Variants in WDR37 observed in about 807,000 individuals in gnomAD.
WDR37 encodes WD repeat-containing protein 37.
A neutral mutation model predicts 62.9 loss-of-function variants in WDR37; 19 were observed. The observed-to-expected ratio is 0.30, with a 90% confidence interval of 0.21 to 0.44. WDR37 has a LOEUF of 0.44. WDR37 is among the 20% of genes least tolerant of loss of function. The probability of loss-of-function intolerance (pLI) is 1.00; values close to 1 mark genes in which losing one functional copy is unlikely to be tolerated. For synonymous variants in WDR37, 250 were observed against 260.9 expected (o/e 0.96, Z 0.40); for missense variants, 474 against 657.6 (o/e 0.72, Z 3.05).
Position 1,103,741 on chromosome 10 carries a change from G to T in WDR37, c.866G>T (p.Trp289Leu). 1 of 1,614,252 alleles carries T rather than the reference G, an allele frequency of 6.2e-7. No individual in the cohort carries two copies. Among genetic ancestry groups the T allele is most frequent in the Non-Finnish European group, 8.5e-7 (1 of 1,180,046 alleles). The change falls in exon 10 of 14, where the codon TGG (tryptophan) becomes TTG (leucine). Residue 289 changes from tryptophan to leucine, a missense_variant. By Grantham distance (61) the Trp-to-Leu change is moderately conservative. Coordinates refer to ENST00000263150, the MANE Select transcript of WDR37 (RefSeq NM_014023.4). The surrounding 1 kb of genome is among the most constrained non-coding windows in gnomAD (Gnocchi z 6.3). ...CAGGGCGTGGTCATCGCCTCCGACTGGCTGGTTGGGGGGAAGCAGGCTGTG... is the reference window on the plus strand; with the variant it reads ...CAGGGCGTGGTCATCGCCTCCGACTTGCTGGTTGGGGGGAAGCAGGCTGTG... ...SHQGVVIASDWLVGGKQAVTA... is the reference protein window; with the variant it reads ...SHQGVVIASDLLVGGKQAVTA...
intron 2 of WDR37, among the ~76,000 whole-genome samples, chr10:1,075,969 G>A (rs1833867547): frequency 6.6e-6 from 1 of 152,042 alleles, no homozygotes; most frequent in East Asian, 1.9e-4. Flanking sequence ...TAGTAGAGAC[G>A]AAGTTTAACC....
chr10:1,075,683 C>T lies in WDR37; in HGVS notation c.139-2224C>T, dbSNP rs987118904. 3.3e-5 allele frequency among the ~76,000 whole-genome samples: 5 copies of T among 151,762 alleles called. No homozygotes were observed. The East Asian group carries it at 5.8e-4, about 18-fold the overall frequency. ...AGGGATGCTTGTGGGGAGGGATGTT[C>T]ACAGAGTGGGAATGGGGCGTGCAGA... is the stretch of plus-strand genomic sequence containing the variant. On this transcript the variant is annotated intron_variant, in intron 2 of 13. Coordinates refer to ENST00000263150, the MANE Select transcript of WDR37 (RefSeq NM_014023.4).
At chr10:1,092,194 A>G (rs1036089240) in intron 7 of WDR37, among the ~76,000 whole-genome samples, 1 of 145,842 alleles carries the variant, frequency 6.9e-6, no homozygotes, top group African/African-American at 2.5e-5. Context: ...AAAAAAAAAA[A>G]AAAAGAAAAT....
chr10:1,103,536 T>G lies in WDR37; in HGVS notation c.727-66T>G. On this transcript the variant is annotated intron_variant, in intron 9 of 13. Coordinates refer to ENST00000263150, the MANE Select transcript of WDR37 (RefSeq NM_014023.4). The surrounding 1 kb of genome is among the most constrained non-coding windows in gnomAD (Gnocchi z 6.3). ...TAATGAGAACCATCTATTTTGTAGC[T>G]ATGTCAGAAGAAACTCAAGATTTCC... The G allele has an allele frequency of 3.3e-6, 5 of 1,517,662 alleles. No homozygotes were observed. The highest frequency in any genetic ancestry group is 4.5e-6 in the Non-Finnish European group (5 of 1,105,270). 94.0% of individuals were successfully genotyped at this position (1,517,662 alleles called of 1,614,324 possible). A position where few individuals can be genotyped will look rare whatever the true frequency, so the allele number is the denominator to read the frequency against.
chr10:1,108,419 C>T (rs377734844), intron 11 of WDR37, among the ~76,000 whole-genome samples: 307 of 152,322 alleles, frequency 2.0e-3, no homozygotes, highest in African/African-American at 7.0e-3. Flanking sequence ...CCTTTAAGTG[C>T]CCCTCTGCTG....
At chr10:1,099,371 G>A (rs1834713314) in intron 9 of WDR37, among the ~76,000 whole-genome samples, 1 of 152,210 alleles carries the variant, frequency 6.6e-6, no homozygotes, top group South Asian at 2.1e-4. Context: ...AGTTTGTATT[G>A]GGCTGTGATT....
At chr10:1,089,933 C>T (rs1834331732) in intron 7 of WDR37, among the ~76,000 whole-genome samples, 1 of 152,148 alleles carries the variant, frequency 6.6e-6, no homozygotes, top group African/African-American at 2.4e-5. Flanking sequence ...CTCTCCTCTT[C>T]CTCCTGGGGA....
At chr10:1,088,885 G>A (rs545470559) in intron 7 of WDR37, among the ~76,000 whole-genome samples, 120 of 152,220 alleles carry the variant, frequency 7.9e-4, no homozygotes, top group African/African-American at 2.5e-3. Context: ...ATAAAACGGG[G>A]TATGCCTGCA....
intron 1 of WDR37, among the ~76,000 whole-genome samples, chr10:1,071,506 TATTTAA>T (rs1456166191): frequency 6.6e-6 from 1 of 152,226 alleles, no homozygotes; most frequent in Non-Finnish European, 1.5e-5. Flanking sequence ...TAAATCATAA[TATTTAA>T]ATTAGAGATT....
chr10:1,063,482 C>G (rs531131749), intron 1 of WDR37, among the ~76,000 whole-genome samples: 53 of 152,168 alleles, frequency 3.5e-4, no homozygotes, highest in Non-Finnish European at 6.6e-4. Flanking sequence ...CCCTGCTAAT[C>G]AGAGGCTGAG....
chr10:1,070,360 C>T (rs1305218795), intron 1 of WDR37, among the ~76,000 whole-genome samples: 1 of 152,010 alleles, frequency 6.6e-6, no homozygotes, highest in Non-Finnish European at 1.5e-5. Flanking sequence ...TTGGGTTATG[C>T]TTGGCTTTTA....
chr10:1,121,501 G>A lies in WDR37; in HGVS notation c.1104-2717G>A, dbSNP rs549138663. On this transcript the variant is annotated intron_variant, in intron 11 of 13. Coordinates refer to ENST00000263150, the MANE Select transcript of WDR37 (RefSeq NM_014023.4). The surrounding 1 kb of genome is among the most constrained non-coding windows in gnomAD (Gnocchi z 4.5). ...ATGAAGACTCTGGAGGAGTTACTGG[G>A]TTGATTTTGCAGTCTCTCTCCTCTG... Among the ~76,000 whole-genome samples the A allele has an allele frequency of 2.6e-5, 4 of 152,254 alleles. No individual in the cohort carries two copies. In the South Asian group the frequency reaches 8.3e-4, roughly 32 times the overall value.
At chr10:1,064,326 C>G (rs1170098784) in intron 1 of WDR37, among the ~76,000 whole-genome samples, 1 of 151,808 alleles carries the variant, frequency 6.6e-6, no homozygotes, top group South Asian at 2.1e-4. Context: ...ACAGAAGATG[C>G]AACATCTGTC....
rs1477451570 is a variant in WDR37 at position 1,056,649 on chromosome 10, G to A, written c.-360G>A. On this transcript the variant is annotated 5_prime_UTR_variant, in exon 1 of 14. Transcript: ENST00000263150. ...GACCAAGGGTGGGGGCGTTGGCCCA[G>A]CAGCCGAAGGGGTCTTCAGCGCGCC... 1 of 152,228 alleles carries A rather than the reference G, an allele frequency of 6.6e-6. No individual in the cohort carries two copies. The highest frequency in any genetic ancestry group is 1.5e-5 in the Non-Finnish European group (1 of 68,042). 9.4% of individuals were successfully genotyped at this position (152,228 alleles called of 1,614,324 possible).
intron 11 of WDR37, among the ~76,000 whole-genome samples, chr10:1,114,588 C>CA (rs1336263640): frequency 3.3e-5 from 5 of 152,338 alleles, no homozygotes; most frequent in African/African-American, 1.2e-4. Context: ...CTTCTGTATG[C>CA]ACCGGAAAAC....
In WDR37 at chr10:1,085,736, C is replaced by T. The variant is rs550380942; in HGVS notation, c.533-550C>T. Among the ~76,000 whole-genome samples the T allele has an allele frequency of 2.0e-5, 3 of 152,232 alleles. No homozygotes were observed. In the East Asian group the frequency reaches 5.8e-4, roughly 29 times the overall value. On this transcript the variant is annotated intron_variant, in intron 6 of 13. Transcript: ENST00000263150. ...GAGCGCCTTGGATTGCTTTGGAAAT[C>T]ATAGTTTTAAAAAAAGAATAAAAAG...
At chr10:1,066,043 A>G (rs1022666148) in intron 1 of WDR37, among the ~76,000 whole-genome samples, 2 of 152,214 alleles carry the variant, frequency 1.3e-5, no homozygotes, top group African/African-American at 2.4e-5. Flanking sequence ...AACCAAAATA[A>G]AAGTACAGTA....
At chr10:1,089,669 G>A (rs533988118) in intron 7 of WDR37, among the ~76,000 whole-genome samples, 1 of 105,246 alleles carries the variant, frequency 9.5e-6, no homozygotes, top group African/African-American at 3.2e-5. Flanking sequence ...CCGCAGTTCG[G>A]CCTTCCCGTG....
chr10:1,080,901 G>C (rs1464995443), intron 5 of WDR37, among the ~76,000 whole-genome samples: 5 of 147,472 alleles, frequency 3.4e-5, no homozygotes, highest in Non-Finnish European at 3.0e-5. Flanking sequence ...GCGAGATTCC[G>C]ACTCCAAAAA....
Sources: gnomAD v4.1 joint callset for allele counts (sites outside exome capture counted in the v4.1 genomes callset) on GRCh38, gnomAD v4.1.1 for gene constraint, Gnocchi (gnomAD v3.1) non-coding constraint, MANE v1.5 for transcripts, NCBI Gene and HGNC (gene_info 2026-07-23, HGNC 2026-07-21) for gene names.